The following RXFP1 variants were observed in gnomAD, a reference collection of about 807,000 sequenced individuals.
RXFP1 encodes the protein relaxin family peptide receptor 1.
In RXFP1, 73 loss-of-function variants were observed where a neutral mutation model predicts 89.8. That is an observed-to-expected ratio of 0.81 (90% CI 0.67 to 0.99). The LOEUF (loss-of-function observed/expected upper bound fraction) is 0.99. RXFP1 is among the 50% of genes least tolerant of loss of function. The pLI is 0.00. For missense variants in RXFP1, 793 were observed against 895.5 expected (o/e 0.89, Z 1.46); for synonymous variants, 277 against 305.5 (o/e 0.91, Z 0.97).
chr4:158,607,969 C>T lies in RXFP1; in HGVS notation c.465-3C>T. ...TTTTTCTTTTTAATAATCATTTTCACAGGTACCTGCAAAACAATAAGATTA... is the reference window on the plus strand; with the variant it reads ...TTTTTCTTTTTAATAATCATTTTCATAGGTACCTGCAAAACAATAAGATTA... On this transcript the variant is annotated splice_region_variant and splice_polypyrimidine_tract_variant and intron_variant, in intron 5 of 17. Transcript: ENST00000307765. The T allele has an allele frequency of 6.3e-7, 1 of 1,588,082 alleles. No homozygotes were observed. The highest frequency in any genetic ancestry group is 1.1e-5 in the South Asian group (1 of 88,094).
At position 158,648,616 on chromosome 4, in the gene RXFP1, T is replaced by A. The variant is rs1340386224; in HGVS notation, c.1874T>A (p.Ile625Asn). 1.2e-6 allele frequency: 2 copies of A among 1,613,280 alleles called. No homozygotes were observed. The highest frequency in any genetic ancestry group is 2.2e-5 in the East Asian group (1 of 44,766). Residue 625 changes from isoleucine (I) to asparagine (N), a missense_variant, in exon 17 of 18, where the codon ATC becomes AAC. By Grantham distance (149) the Ile-to-Asn change is moderately radical. Transcript: ENST00000307765. ...EIRNQVKKEM[I>N]LAKRFFFIVF... The stretch of plus-strand genomic sequence containing the variant: ...CGGAATCAAGTTAAAAAAGAGATGA[T>A]CCTTGCCAAACGTTTTTTCTTTATA...
intron 1 of RXFP1, among the ~76,000 whole-genome samples, chr4:158,545,789 G>T (rs1290049929): frequency 6.6e-6 from 1 of 152,146 alleles, no homozygotes; most frequent in East Asian, 1.9e-4. Flanking sequence ...TGAGGGCTCT[G>T]TTCTGTTCCA....
intron 2 of RXFP1, among the ~76,000 whole-genome samples, chr4:158,575,908 G>T (rs1010052115): frequency 6.6e-6 from 1 of 152,106 alleles, no homozygotes; most frequent in Non-Finnish European, 1.5e-5. Context: ...GATTCTTGGG[G>T]TCAGCAATTT....
At chr4:158,542,048 T>G in intron 1 of RXFP1, among the ~76,000 whole-genome samples, 1 of 134,014 alleles carries the variant, frequency 7.5e-6, no homozygotes, top group African/African-American at 2.7e-5. Flanking sequence ...GCCTCCCGAG[T>G]AGCTGGGACT....
At chr4:158,643,891 A>G (rs1331111335) in intron 14 of RXFP1, among the ~76,000 whole-genome samples, 1 of 152,050 alleles carries the variant, frequency 6.6e-6, no homozygotes, top group Non-Finnish European at 1.5e-5. Context: ...GATTCTCATC[A>G]GCATTTGTTA....
chr4:158,632,213 G>A (rs1768181466), intron 11 of RXFP1, among the ~76,000 whole-genome samples: 1 of 152,140 alleles, frequency 6.6e-6, no homozygotes. Flanking sequence ...GTAACTAACA[G>A]CAATAGTCTC....
chr4:158,624,840 A>T (rs1011734100), intron 9 of RXFP1, among the ~76,000 whole-genome samples: 2 of 152,162 alleles, frequency 1.3e-5, no homozygotes, highest in Non-Finnish European at 2.9e-5. Flanking sequence ...TTTATTATTA[A>T]CACAGGAGGG....
chr4:158,541,889 C>T (rs1185280238), intron 1 of RXFP1, among the ~76,000 whole-genome samples: 2 of 151,254 alleles, frequency 1.3e-5, no homozygotes, highest in South Asian at 2.1e-4. Context: ...ATCCTTTATG[C>T]GGGGTGGCCG....
intron 14 of RXFP1, among the ~76,000 whole-genome samples, chr4:158,642,749 G>A (rs1386135466): frequency 6.6e-6 from 1 of 152,156 alleles, no homozygotes; most frequent in African/African-American, 2.4e-5. Context: ...AGCATTGTTT[G>A]TATGGGGTAA....
intron 2 of RXFP1, among the ~76,000 whole-genome samples, chr4:158,573,657 G>C (rs1044960914): frequency 1.3e-5 from 2 of 152,122 alleles, no homozygotes; most frequent in Non-Finnish European, 2.9e-5. Flanking sequence ...GGCAGAATAC[G>C]GTTGAAATTG....
chr4:158,543,539 G>C (rs189307677), intron 1 of RXFP1, among the ~76,000 whole-genome samples: 1 of 152,302 alleles, frequency 6.6e-6, no homozygotes, highest in Admixed American at 6.5e-5. Flanking sequence ...GCAGAACACA[G>C]TGTCTCCACA....
chr4:158,646,244 C>T, intron 15 of RXFP1: 1 of 406,244 alleles, frequency 2.5e-6, no homozygotes, highest in Non-Finnish European at 4.8e-6. Context: ...AATTTAAGCC[C>T]CTTAAAATTG....
intron 15 of RXFP1, 96 bp downstream of exon 15, chr4:158,645,234 T>C (rs1771283412): frequency 3.3e-6 from 3 of 899,234 alleles, no homozygotes; most frequent in Admixed American, 5.4e-5. Flanking sequence ...AATTATGGAA[T>C]TTTACATTTT....
intron 2 of RXFP1, among the ~76,000 whole-genome samples, chr4:158,589,060 A>G (rs926158987): frequency 1.3e-5 from 2 of 152,208 alleles, no homozygotes; most frequent in African/African-American, 2.4e-5. Context: ...GGACTCAGGA[A>G]ACTTACAATC....
At chr4:158,646,648 A>G in intron 15 of RXFP1, 143 bp from the exon 16 acceptor site, 1 of 1,434,044 alleles carries the variant, frequency 7.0e-7, no homozygotes. Context: ...TCTGTAAATG[A>G]ATTATTAGGA....
rs56032847 is a variant in RXFP1 at position 158,542,109 on chromosome 4, A to ATTT, written c.49+20092_49+20094dup. On this transcript the variant is annotated intron_variant, in intron 1 of 17. Coordinates refer to ENST00000307765, the MANE Select transcript of RXFP1 (RefSeq NM_021634.4). ...TATATATATATATATATATATATATATTTTTTTTTTAGTAGAGACAGGGTT... is the reference window on the plus strand; with the variant it reads ...TATATATATATATATATATATATATATTTTTTTTTTTTTAGTAGAGACAGGGTT... Among the ~76,000 whole-genome samples, 31 of 35,210 alleles carry ATTT rather than the reference A, an allele frequency of 8.8e-4. 1 individual carries two copies. The highest frequency in any genetic ancestry group is 1.1e-3 in the Admixed American group (2 of 1,772). 23.1% of individuals were successfully genotyped at this position (35,210 alleles called of 152,430 possible). A position where few individuals can be genotyped will look rare whatever the true frequency, so the allele number is the denominator to read the frequency against.
At chr4:158,651,424 T>C in intron 17 of RXFP1, among the ~76,000 whole-genome samples, 1 of 152,330 alleles carries the variant, frequency 6.6e-6, no homozygotes, top group Non-Finnish European at 1.5e-5. Context: ...ATGACTTAAA[T>C]ACTAAACAAT....
chr4:158,542,109 A>ATTTTTTTTT (rs56032847), intron 1 of RXFP1, among the ~76,000 whole-genome samples: 4 of 35,234 alleles, frequency 1.1e-4, no homozygotes, highest in African/African-American at 1.9e-4. Flanking sequence ...ATATATATAT[A>ATTTTTTTTT]TTTTTTTTTT....
At chr4:158,551,813 T>G (rs929057032) in intron 1 of RXFP1, among the ~76,000 whole-genome samples, 1 of 152,064 alleles carries the variant, frequency 6.6e-6, no homozygotes, top group East Asian at 1.9e-4. Context: ...TGGTGGCATG[T>G]GCCTGTAGTC....
Sources: gnomAD v4.1 joint callset for allele counts (sites outside exome capture counted in the v4.1 genomes callset) on GRCh38, gnomAD v4.1.1 for gene constraint, MANE v1.5 for transcripts, NCBI Gene and HGNC (gene_info 2026-07-23, HGNC 2026-07-21) for gene names.